TBC1D19: variants seen among roughly 807,000 people sequenced by gnomAD.
The protein encoded by TBC1D19 is TBC1 domain family, member 19.
In TBC1D19, 60 loss-of-function variants were observed where a neutral mutation model predicts 89.0. The ratio of observed to expected loss-of-function variants is 0.67; its 90% CI spans 0.55 to 0.84. The LOEUF is 0.84. Among genes scored for constraint, TBC1D19 ranks in the 40% least tolerant of loss-of-function variants. The pLI is 0.00. For synonymous variants in TBC1D19, 189 were observed against 199.7 expected, an observed-to-expected ratio of 0.95 and a Z score of 0.45; for missense variants, 500 against 610.8, an observed-to-expected ratio of 0.82 and a Z score of 1.91.
At chr4:26,842,583 C>CCTTCCTTTCTTTCTCT in the TBC1D19 span, among the ~76,000 whole-genome samples, 1 of 70,610 alleles carries the variant, frequency 1.4e-5, no homozygotes, top group Non-Finnish European at 2.9e-5. Context: ...TTCCTCCCTC[C>CCTTCCTTTCTTTCTCT]CTTTCTTTCT....
the TBC1D19 span, among the ~76,000 whole-genome samples, chr4:26,762,559 T>C: frequency 6.6e-6 from 1 of 152,200 alleles, no homozygotes; most frequent in Non-Finnish European, 1.5e-5. Context: ...CTTAAAGTAA[T>C]GGCGCCATCC....
the TBC1D19 span, among the ~76,000 whole-genome samples, chr4:26,820,959 T>C: frequency 6.6e-6 from 1 of 152,230 alleles, no homozygotes; most frequent in Non-Finnish European, 1.5e-5. Context: ...AGTGGGCATA[T>C]AAAAATATCT....
chr4:26,710,297 T>C (rs1716077015), intron 13 of TBC1D19, among the ~76,000 whole-genome samples: 1 of 152,104 alleles, frequency 6.6e-6, no homozygotes, highest in Non-Finnish European at 1.5e-5. Context: ...TTTTTTGTCC[T>C]TGTGATAGTT....
At chr4:26,649,368 T>A (rs527438559) in intron 7 of TBC1D19, among the ~76,000 whole-genome samples, 1 of 152,292 alleles carries the variant, frequency 6.6e-6, no homozygotes, top group African/African-American at 2.4e-5. Flanking sequence ...TTTATTGAGC[T>A]AGAATTTTTA....
upstream of TBC1D19, among the ~76,000 whole-genome samples, chr4:26,580,861 TACC>T (rs765577124): frequency 1.3e-5 from 2 of 152,216 alleles, no homozygotes; most frequent in African/African-American, 2.4e-5. Flanking sequence ...TGCCATGTGA[TACC>T]ACTAGTCAGT....
At chr4:26,724,244 G>A (rs1041783216) in intron 15 of TBC1D19, among the ~76,000 whole-genome samples, 4 of 152,196 alleles carry the variant, frequency 2.6e-5, no homozygotes, top group African/African-American at 9.6e-5. Flanking sequence ...TTGACTTAAA[G>A]TCTTGTCTAG....
chr4:26,842,158 C>T, the TBC1D19 span, among the ~76,000 whole-genome samples: 1 of 151,930 alleles, frequency 6.6e-6, no homozygotes, highest in Non-Finnish European at 1.5e-5. Context: ...CTGCCCAGGC[C>T]TGCTTTTGCT....
intron 4 of TBC1D19, among the ~76,000 whole-genome samples, chr4:26,623,807 G>A (rs1455983645): frequency 6.6e-6 from 1 of 152,048 alleles, no homozygotes; most frequent in Admixed American, 6.6e-5. Flanking sequence ...TGCTGATAAT[G>A]TTGCCTTTTA....
chr4:26,836,164 C>T, the TBC1D19 span, among the ~76,000 whole-genome samples: 1 of 152,156 alleles, frequency 6.6e-6, no homozygotes, highest in Non-Finnish European at 1.5e-5. Flanking sequence ...ACACTTCGAC[C>T]TCCCCTGTCT....
the TBC1D19 span, among the ~76,000 whole-genome samples, chr4:26,763,103 C>A: frequency 2.0e-5 from 3 of 152,120 alleles, no homozygotes; most frequent in Non-Finnish European, 4.4e-5. Context: ...GTTTTAATAA[C>A]CCTTTTTATA....
chr4:26,619,770 C>T (rs1220634921), intron 3 of TBC1D19, among the ~76,000 whole-genome samples: 2 of 152,162 alleles, frequency 1.3e-5, no homozygotes, highest in Non-Finnish European at 2.9e-5. Flanking sequence ...TTGCCTTTCT[C>T]TATTCCAGCA....
chr4:26,797,155 C>T, the TBC1D19 span, among the ~76,000 whole-genome samples: 1 of 152,090 alleles, frequency 6.6e-6, no homozygotes, highest in African/African-American at 2.4e-5. Context: ...CTGAAAGATT[C>T]CTACACTTGA....
At chr4:26,587,743 GGTAGAGTTCCCA>G (rs1402214783) in intron 1 of TBC1D19, among the ~76,000 whole-genome samples, 3 of 151,270 alleles carry the variant, frequency 2.0e-5, no homozygotes, top group Non-Finnish European at 4.4e-5. Flanking sequence ...TTAAATATTT[GGTAGAGTTCCCA>G]GCAAAGTCAC....
At chr4:26,825,893 G>A in the TBC1D19 span, among the ~76,000 whole-genome samples, 6 of 152,212 alleles carry the variant, frequency 3.9e-5, no homozygotes, top group East Asian at 1.2e-3. Flanking sequence ...TTAACTATTA[G>A]TAATGGCATA....
the TBC1D19 span, among the ~76,000 whole-genome samples, chr4:26,810,531 G>C: frequency 6.6e-6 from 1 of 152,088 alleles, no homozygotes; most frequent in Non-Finnish European, 1.5e-5. Flanking sequence ...ATTCTTGCTT[G>C]ACCTTCATAT....
At chr4:26,617,685 A>C (rs1209056844) in intron 3 of TBC1D19, among the ~76,000 whole-genome samples, 1 of 152,228 alleles carries the variant, frequency 6.6e-6, no homozygotes. Context: ...GACAATCTTT[A>C]CATGCAAAAT....
rs1297153341 is a variant in TBC1D19 at position 26,720,065 on chromosome 4, T to C, written c.1040-16T>C. On this transcript the variant is annotated splice_polypyrimidine_tract_variant and intron_variant, in intron 14 of 20. Transcript: ENST00000264866. The stretch of plus-strand genomic sequence containing the variant: ...TACTTAATCATATTGAAATCCTCTA[T>C]GGTTTTCTCTTATAGGAAAACTAGG... The C allele has an allele frequency of 6.3e-7, 1 of 1,588,798 alleles. No individual in the cohort carries two copies. Among genetic ancestry groups the C allele is most frequent in the Non-Finnish European group, 8.6e-7 (1 of 1,167,564 alleles).
intron 4 of TBC1D19, among the ~76,000 whole-genome samples, chr4:26,626,373 C>T (rs1445695248): frequency 2.0e-5 from 3 of 152,106 alleles, no homozygotes; most frequent in Admixed American, 2.0e-4. Flanking sequence ...AATATAAGTG[C>T]ATGAGTTTTC....
At chr4:26,637,436 G>T in intron 5 of TBC1D19, 151 bp downstream of exon 5, 1 of 552,038 alleles carries the variant, frequency 1.8e-6, no homozygotes, top group South Asian at 3.1e-5. Context: ...GCAGTGGCGC[G>T]ATCTTGGCTC....
Sources: gnomAD v4.1 joint callset for allele counts (sites outside exome capture counted in the v4.1 genomes callset) on GRCh38, gnomAD v4.1.1 for gene constraint, MANE v1.5 for transcripts, NCBI Gene and HGNC (gene_info 2026-07-23, HGNC 2026-07-21) for gene names.